Variants in GABRA2 observed in about 807,000 individuals in gnomAD.
GABRA2 encodes the protein gamma-aminobutyric acid receptor subunit alpha-2.
A neutral mutation model predicts 48.7 loss-of-function variants in GABRA2; 16 were observed. The observed-to-expected ratio is 0.33, with a 90% confidence interval of 0.22 to 0.50. GABRA2 has a LOEUF of 0.50. Among genes scored for constraint, GABRA2 ranks in the 20% least tolerant of loss-of-function variants. The pLI is 0.98. For missense variants in GABRA2, 275 were observed against 535.6 expected (o/e 0.51, Z 4.80); for synonymous variants, 185 against 184.5 (o/e 1.00, Z -0.02).
chr4:46,356,456 C>T (rs1055889113), intron 3 of GABRA2, among the ~76,000 whole-genome samples: 4 of 146,160 alleles, frequency 2.7e-5, no homozygotes, highest in Non-Finnish European at 4.5e-5. Flanking sequence ...AAAAAAGCCA[C>T]TGTTTTACAG....
At chr4:46,340,963 A>T (rs1161250059) in intron 3 of GABRA2, among the ~76,000 whole-genome samples, 1 of 151,714 alleles carries the variant, frequency 6.6e-6, no homozygotes, top group Non-Finnish European at 1.5e-5. Flanking sequence ...AATCTCAATT[A>T]ACCTTTTTTA....
intron 3 of GABRA2, among the ~76,000 whole-genome samples, chr4:46,378,081 A>G (rs1336198817): frequency 1.3e-5 from 2 of 151,412 alleles, no homozygotes; most frequent in African/African-American, 4.9e-5. Context: ...CAGGGAGGTG[A>G]GGGGCGCCTC....
chr4:46,361,241 G>A (rs1172613936), intron 3 of GABRA2, among the ~76,000 whole-genome samples: 1 of 152,088 alleles, frequency 6.6e-6, no homozygotes, highest in African/African-American at 2.4e-5. Context: ...CACAGACCTG[G>A]AAGTTTTAGC....
At chr4:46,335,136 G>C (rs1039621364) in intron 3 of GABRA2, among the ~76,000 whole-genome samples, 1 of 152,092 alleles carries the variant, frequency 6.6e-6, no homozygotes, top group Admixed American at 6.6e-5. Context: ...GACAAGGAAA[G>C]GGAAGTGAAC....
chr4:46,377,615 C>A (rs936554243), intron 3 of GABRA2, among the ~76,000 whole-genome samples: 5 of 150,414 alleles, frequency 3.3e-5, no homozygotes, highest in African/African-American at 9.7e-5. Flanking sequence ...GGGGGTCAGC[C>A]CCCCGCCCGG....
intron 9 of GABRA2, among the ~76,000 whole-genome samples, chr4:46,253,433 CT>C (rs1438575253): frequency 1.3e-5 from 2 of 151,506 alleles, no homozygotes; most frequent in African/African-American, 4.8e-5. Context: ...TATGTTGGCA[CT>C]TTTTGTTTTA....
chr4:46,312,780 T>C, intron 4 of GABRA2, 64 bp from the exon 5 acceptor site: 1 of 801,430 alleles, frequency 1.2e-6, no homozygotes, highest in Admixed American at 3.1e-5. Flanking sequence ...CACGGTAAAA[T>C]TCCAAAATAA....
chr4:46,294,817 A>G (rs912671938), intron 8 of GABRA2, among the ~76,000 whole-genome samples: 17 of 152,216 alleles, frequency 1.1e-4, no homozygotes, highest in Admixed American at 1.3e-4. Flanking sequence ...ACTATGGGTC[A>G]TCAATTCACC....
At chr4:46,319,779 A>G (rs1729140265) in intron 4 of GABRA2, among the ~76,000 whole-genome samples, 1 of 151,800 alleles carries the variant, frequency 6.6e-6, no homozygotes. Context: ...AAATGTTACT[A>G]AAGATTCATA....
In GABRA2 at chr4:46,249,378, G is replaced by A. The variant is rs1317851696; in HGVS notation, c.*930C>T. ...GAGAATCATATAAGTGTTTGTCATA[G>A]TGTGGGGCACCTATGAATTCTCATC... On this transcript the variant is annotated 3_prime_UTR_variant, in exon 10 of 10. Transcript: ENST00000381620. The A allele has an allele frequency of 6.6e-6, 1 of 151,272 alleles. No homozygotes were observed. Among genetic ancestry groups the A allele is most frequent in the Admixed American group, 6.6e-5 (1 of 15,108 alleles). 9.4% of individuals were successfully genotyped at this position (151,272 alleles called of 1,614,324 possible).
At chr4:46,334,512 A>C (rs1446949533) in intron 3 of GABRA2, among the ~76,000 whole-genome samples, 2 of 152,196 alleles carry the variant, frequency 1.3e-5, no homozygotes, top group Non-Finnish European at 2.9e-5. Context: ...CTAAGAGAAG[A>C]AAGTGAAATG....
At chr4:46,381,244 C>T (rs561884550) in intron 3 of GABRA2, among the ~76,000 whole-genome samples, 19 of 152,178 alleles carry the variant, frequency 1.2e-4, no homozygotes, top group South Asian at 4.1e-4. Context: ...AAAATTGATC[C>T]GAAATAACAA....
chr4:46,332,690 G>A lies in GABRA2; in HGVS notation c.188-8C>T, dbSNP rs1266174901. 1.4e-6 allele frequency: 2 copies of A among 1,478,494 alleles called. No homozygotes were observed. Among genetic ancestry groups the A allele is most frequent in the South Asian group, 1.1e-5 (1 of 87,882 alleles). 91.6% of individuals were successfully genotyped at this position (1,478,494 alleles called of 1,614,324 possible). A position where few individuals can be genotyped will look rare whatever the true frequency, so the allele number is the denominator to read the frequency against. On this transcript the variant is annotated splice_polypyrimidine_tract_variant and splice_region_variant and intron_variant, in intron 3 of 9. Transcript: ENST00000381620. The stretch of plus-strand genomic sequence containing the variant: ...AGACTTCAGTAATACTGTCTAATAT[G>A]AGAAAAGAGATTGAATATAGATATT...
At position 46,343,634 on chromosome 4, in the gene GABRA2, T is replaced by C. The variant is rs143467219; in HGVS notation, c.188-10952A>G. 4.5e-3 allele frequency among the ~76,000 whole-genome samples: 687 copies of C among 152,092 alleles called. 3 individuals carry two copies. The highest frequency in any genetic ancestry group is 0.011 in the South Asian group (55 of 4,824). On this transcript the variant is annotated intron_variant, in intron 3 of 9. Coordinates refer to ENST00000381620, the MANE Select transcript of GABRA2 (RefSeq NM_000807.4). ...GTGGATCTGAAGAAACAGGCACAGC[T>C]AACATGCACGCTTTGTAATTGTGTG...
intron 3 of GABRA2, among the ~76,000 whole-genome samples, chr4:46,378,055 C>A (rs1201022678): frequency 6.6e-6 from 1 of 151,502 alleles, no homozygotes; most frequent in Non-Finnish European, 1.5e-5. Flanking sequence ...CCCCCCCACC[C>A]GGCCAGCCGC....
chr4:46,296,652 G>A (rs1490957166), intron 8 of GABRA2, among the ~76,000 whole-genome samples: 2 of 95,088 alleles, frequency 2.1e-5, no homozygotes, highest in African/African-American at 1.0e-4. Context: ...TACTCTATCA[G>A]GGGGAAAAAA....
intron 3 of GABRA2, among the ~76,000 whole-genome samples, chr4:46,345,392 GTGT>G: frequency 6.6e-6 from 1 of 151,800 alleles, no homozygotes. Flanking sequence ...ACATACAATG[GTGT>G]TCTACTGCAG....
chr4:46,379,534 T>C (rs775057276), intron 3 of GABRA2, among the ~76,000 whole-genome samples: 2 of 152,240 alleles, frequency 1.3e-5, no homozygotes, highest in Non-Finnish European at 2.9e-5. Flanking sequence ...TAAAATGCAG[T>C]GTTCCCTGTG....
chr4:46,293,060 G>A (rs997255321), intron 8 of GABRA2, among the ~76,000 whole-genome samples: 1 of 152,160 alleles, frequency 6.6e-6, no homozygotes, highest in East Asian at 1.9e-4. Flanking sequence ...GCAGCTATCA[G>A]AATAATCTGA....
Sources: gnomAD v4.1 joint callset for allele counts (sites outside exome capture counted in the v4.1 genomes callset) on GRCh38, gnomAD v4.1.1 for gene constraint, MANE v1.5 for transcripts, NCBI Gene and HGNC (gene_info 2026-07-23, HGNC 2026-07-21) for gene names.